Variants in INTS15 observed in about 807,000 individuals in gnomAD.
INTS15 encodes uncharacterized protein C7orf26.
chr7:6,597,140 T>C, the INTS15 span, among the ~76,000 whole-genome samples: 1 of 152,172 alleles, frequency 6.6e-6, no homozygotes, highest in African/African-American at 2.4e-5. Context: ...GAGGCAGGTG[T>C]TGGGGAGCAG....
chr7:6,608,254 G>C, the INTS15 span: 26 of 1,495,142 alleles, frequency 1.7e-5, no homozygotes, highest in African/African-American at 4.2e-5. Flanking sequence ...CTCGGGGAAG[G>C]GGTCGGGCAG....
At chr7:6,602,607 C>G in the INTS15 span, 2 of 458,418 alleles carry the variant, frequency 4.4e-6, no homozygotes, top group African/African-American at 2.0e-5. Context: ...TGACCTGTCT[C>G]TATGCCTCAG....
At chr7:6,598,437 C>G in the INTS15 span, among the ~76,000 whole-genome samples, 1 of 148,968 alleles carries the variant, frequency 6.7e-6, no homozygotes, top group Non-Finnish European at 1.5e-5. Flanking sequence ...CCACTGCACT[C>G]CAGCCTGGAC....
the INTS15 span, among the ~76,000 whole-genome samples, chr7:6,601,030 C>T: frequency 6.6e-6 from 1 of 152,114 alleles, no homozygotes; most frequent in Non-Finnish European, 1.5e-5. Context: ...TGCAGTGGCA[C>T]GATCGTAGCT....
At chr7:6,608,634 G>A in the INTS15 span, 23 of 566,300 alleles carry the variant, frequency 4.1e-5, no homozygotes, top group Non-Finnish European at 4.9e-5. Context: ...AGGCTGTCAG[G>A]AATTCCCCTC....
At chr7:6,602,170 C>T in the INTS15 span, 1 of 1,603,256 alleles carries the variant, frequency 6.2e-7, no homozygotes, top group Admixed American at 1.7e-5. Context: ...CTAGCTGGGC[C>T]AGCTTGCTGG....
At chr7:6,608,663 T>G in the INTS15 span, 1 of 318,496 alleles carries the variant, frequency 3.1e-6, no homozygotes, top group African/African-American at 2.2e-5. Context: ...AAGGAACTTC[T>G]CAGTTTTATT....
chr7:6,601,438 G>A, the INTS15 span, among the ~76,000 whole-genome samples: 1 of 151,798 alleles, frequency 6.6e-6, no homozygotes, highest in Non-Finnish European at 1.5e-5. Flanking sequence ...TGGGATTACA[G>A]GTATGTGTCA....
the INTS15 span, among the ~76,000 whole-genome samples, chr7:6,600,878 G>C: frequency 6.6e-6 from 1 of 152,008 alleles, no homozygotes; most frequent in Non-Finnish European, 1.5e-5. Flanking sequence ...ATGGTCACCT[G>C]GTGCCACCTC....
At chr7:6,606,170 C>T in the INTS15 span, among the ~76,000 whole-genome samples, 1 of 152,188 alleles carries the variant, frequency 6.6e-6, no homozygotes, top group Admixed American at 6.5e-5. Context: ...TCGTTAATCT[C>T]TTGCTAAGTT....
chr7:6,601,615 G>A, the INTS15 span, among the ~76,000 whole-genome samples: 1 of 148,766 alleles, frequency 6.7e-6, no homozygotes. Flanking sequence ...GTTTTTTAAA[G>A]CAAAAATTGA....
chr7:6,596,891 C>T, the INTS15 span, among the ~76,000 whole-genome samples: 1 of 151,748 alleles, frequency 6.6e-6, no homozygotes, highest in African/African-American at 2.4e-5. Flanking sequence ...TCAAGCGATT[C>T]TCCTGCCTCA....
At chr7:6,590,383 A>G in the INTS15 span, 2 of 1,607,288 alleles carry the variant, frequency 1.2e-6, no homozygotes, top group South Asian at 1.1e-5. Flanking sequence ...CCAGCTGCAG[A>G]GCGCGCCGCT....
At chr7:6,594,551 C>G in the INTS15 span, 2 of 1,614,150 alleles carry the variant, frequency 1.2e-6, no homozygotes, top group South Asian at 2.2e-5. Flanking sequence ...GCCCGAGATT[C>G]TGCTGCCAGT....
chr7:6,598,411 G>A, the INTS15 span, among the ~76,000 whole-genome samples: 3 of 149,498 alleles, frequency 2.0e-5, no homozygotes, highest in South Asian at 6.3e-4. Flanking sequence ...AGAGTTTGCA[G>A]TGAGCTGAGA....
At chr7:6,608,525 G>C in the INTS15 span, 77 of 1,146,032 alleles carry the variant, frequency 6.7e-5, 1 homozygote, top group East Asian at 3.2e-3. Context: ...TCGTGAAGAC[G>C]ATGTGTCCCC....
the INTS15 span, chr7:6,608,072 G>GGCCCCCCCCCCC: frequency 6.3e-7 from 1 of 1,580,438 alleles, no homozygotes; most frequent in Non-Finnish European, 8.6e-7. Context: ...GGCTGTCCCG[G>GGCCCCCCCCCCC]CCCACCCCGC....
the INTS15 span, chr7:6,590,493 C>A: frequency 1.9e-6 from 3 of 1,542,414 alleles, 1 homozygote; most frequent in East Asian, 7.6e-5. Context: ...CTGAGACGGT[C>A]GGGTTCCCGG....
the INTS15 span, chr7:6,599,969 G>T: frequency 6.2e-7 from 1 of 1,614,212 alleles, no homozygotes; most frequent in Non-Finnish European, 8.5e-7. Context: ...CACCCCGCTC[G>T]TTGGATTGAT....
Sources: gnomAD v4.1 joint callset for allele counts (sites outside exome capture counted in the v4.1 genomes callset) on GRCh38, gnomAD v4.1.1 for gene constraint, MANE v1.5 for transcripts, NCBI Gene and HGNC (gene_info 2026-07-23, HGNC 2026-07-21) for gene names.